The following DGLUCY variants were observed in gnomAD, a reference collection of about 807,000 sequenced individuals.
The protein encoded by DGLUCY is D-glutamate cyclase.
DGLUCY carries 58 observed loss-of-function variants against 58.5 expected under a neutral mutation model. That is an observed-to-expected ratio of 0.99 (90% CI 0.80 to 1.23). The LOEUF is 1.23. Among genes scored for constraint, DGLUCY ranks in the 50% most tolerant of loss-of-function variants. The pLI is 0.00. For missense variants in DGLUCY, 779 were observed against 784.7 expected (o/e 0.99, Z 0.09); for synonymous variants, 325 against 314.1 (o/e 1.03, Z -0.37).
At chr14:91,167,176 G>T in intron 3 of DGLUCY, 49 bp from the exon 4 acceptor site, 1 of 1,531,258 alleles carries the variant, frequency 6.5e-7, no homozygotes, top group South Asian at 1.3e-5. Context: ...GTAAGTGTCT[G>T]CCAAGAAACC....
In DGLUCY at chr14:91,181,313, T is replaced by C; in HGVS notation, c.858T>C (p.Pro286=). Residue 286 remains proline, a synonymous_variant, in exon 8 of 14, where the codon CCT becomes CCC. Transcript: ENST00000256324. ...IPEVHHISQD[P]LHYSIASVSA... is the part of the protein sequence containing the mutation. ...AGGTCCATCACATTTCCCAAGATCC[T>C]CTGCACTACAGCATCGCGTCAGTCT... 2 of 1,614,184 alleles carry C rather than the reference T, an allele frequency of 1.2e-6. No homozygotes were observed. Among genetic ancestry groups the C allele is most frequent in the South Asian group, 2.2e-5 (2 of 91,088 alleles).
chr14:91,089,356 C>T (rs903039010), intron 1 of DGLUCY, among the ~76,000 whole-genome samples: 24 of 152,292 alleles, frequency 1.6e-4, no homozygotes, highest in East Asian at 5.8e-4. Flanking sequence ...GCAGGAGAGA[C>T]GGTGAGGGAC....
chr14:91,214,371 A>G (rs1360377870), intron 12 of DGLUCY, among the ~76,000 whole-genome samples: 1 of 152,176 alleles, frequency 6.6e-6, no homozygotes, highest in Non-Finnish European at 1.5e-5. Flanking sequence ...AGCCAAGGAG[A>G]TGGTCCCAAA....
chr14:91,177,858 C>T (rs528938835), intron 7 of DGLUCY, among the ~76,000 whole-genome samples: 1 of 152,368 alleles, frequency 6.6e-6, no homozygotes, highest in East Asian at 1.9e-4. Context: ...CAGGCATGCA[C>T]CCAGGCCTCA....
intron 3 of DGLUCY, chr14:91,165,109 T>C: frequency 2.7e-6 from 1 of 364,260 alleles, no homozygotes; most frequent in Non-Finnish European, 5.5e-6. Flanking sequence ...TTTCACTCAC[T>C]GACTTTATAA....
In DGLUCY at chr14:91,143,885, G is replaced by A. The variant is rs1172877401; in HGVS notation, c.-81-13754G>A. Among the ~76,000 whole-genome samples, 11 of 152,060 alleles carry A rather than the reference G, an allele frequency of 7.2e-5. No individual in the cohort carries two copies. In the East Asian group the frequency reaches 1.5e-3, roughly 21 times the overall value. ...AAAAACGGAGACACAAATATGCAAA[G>A]TAACTTGCCCAAGATCATCCACGTA... On this transcript the variant is annotated intron_variant, in intron 1 of 13. Coordinates refer to ENST00000256324, the MANE Select transcript of DGLUCY (RefSeq NM_001102368.3).
At chr14:91,079,474 C>G (rs2044088724) in intron 1 of DGLUCY, among the ~76,000 whole-genome samples, 2 of 152,044 alleles carry the variant, frequency 1.3e-5, no homozygotes, top group African/African-American at 4.8e-5. Flanking sequence ...CTGCCTCAGC[C>G]TCCCAAGTAG....
In DGLUCY at chr14:91,188,841, A is replaced by C. The variant is rs1379932351; in HGVS notation, c.935-69A>C. On this transcript the variant is annotated intron_variant, in intron 8 of 13. Transcript: ENST00000256324. Reference sequence around the variant, plus strand: ...AAAACCCTATCATAAGTAAATAAATACATACATACATACATACAAATAATT... The same window carrying C: ...AAAACCCTATCATAAGTAAATAAATCCATACATACATACATACAAATAATT... 3.5e-6 allele frequency: 5 copies of C among 1,436,402 alleles called. No individual in the cohort carries two copies. In the Admixed American group the frequency reaches 1.2e-4, roughly 33 times the overall value. 89.0% of individuals were successfully genotyped at this position (1,436,402 alleles called of 1,614,324 possible).
intron 9 of DGLUCY, among the ~76,000 whole-genome samples, chr14:91,193,833 T>G (rs1157602079): frequency 2.7e-5 from 4 of 147,534 alleles, no homozygotes; most frequent in Admixed American, 6.7e-5. Flanking sequence ...CAGAGTGATA[T>G]TCCATCTTAG....
intron 1 of DGLUCY, among the ~76,000 whole-genome samples, chr14:91,149,942 T>C (rs1440371402): frequency 6.6e-6 from 1 of 152,114 alleles, no homozygotes; most frequent in Non-Finnish European, 1.5e-5. Context: ...ATGTTTGGGC[T>C]GGGTGCGGTG....
chr14:91,063,227 C>T (rs2043761818), intron 1 of DGLUCY, among the ~76,000 whole-genome samples: 1 of 151,318 alleles, frequency 6.6e-6, no homozygotes, highest in Admixed American at 6.6e-5. Context: ...ATCTCATTTC[C>T]TCTTCCTAGA....
chr14:91,198,165 C>T (rs964583774), intron 10 of DGLUCY, among the ~76,000 whole-genome samples: 1 of 152,078 alleles, frequency 6.6e-6, no homozygotes, highest in Non-Finnish European at 1.5e-5. Flanking sequence ...GCCTCAGCCT[C>T]CCAAGAAGCT....
At chr14:91,071,334 C>CAAAAAAAAAAAAAA (rs3086750) in intron 1 of DGLUCY, among the ~76,000 whole-genome samples, 1 of 84,218 alleles carries the variant, frequency 1.2e-5, no homozygotes, top group Non-Finnish European at 2.4e-5. Flanking sequence ...GAGATTCCAC[C>CAAAAAAAAAAAAAA]AAAAAAAAAA....
At chr14:91,067,985 A>G (rs949295350) in intron 1 of DGLUCY, among the ~76,000 whole-genome samples, 1 of 152,148 alleles carries the variant, frequency 6.6e-6, no homozygotes, top group Non-Finnish European at 1.5e-5. Flanking sequence ...CACTTACTGA[A>G]GACACCCACC....
chr14:91,079,920 A>G (rs2044095961), intron 1 of DGLUCY, among the ~76,000 whole-genome samples: 1 of 152,170 alleles, frequency 6.6e-6, no homozygotes, highest in African/African-American at 2.4e-5. Context: ...TACACCCAAA[A>G]CATTCTGTCA....
chr14:91,176,260 T>G (rs1180777991), intron 7 of DGLUCY, among the ~76,000 whole-genome samples: 2 of 152,212 alleles, frequency 1.3e-5, no homozygotes, highest in Non-Finnish European at 2.9e-5. Flanking sequence ...AGGGTCTCAC[T>G]CTGTTGCCAG....
intron 1 of DGLUCY, among the ~76,000 whole-genome samples, chr14:91,068,919 AAT>A (rs1029905976): frequency 6.6e-6 from 1 of 152,218 alleles, no homozygotes; most frequent in South Asian, 2.1e-4. Context: ...ATGAGCAGGC[AAT>A]ATGTTTCCTT....
At chr14:91,198,200 A>T (rs1421053792) in intron 10 of DGLUCY, among the ~76,000 whole-genome samples, 3 of 151,804 alleles carry the variant, frequency 2.0e-5, no homozygotes, top group Non-Finnish European at 4.4e-5. Flanking sequence ...CCGCCACCAT[A>T]CCTGGCTAAT....
At chr14:91,172,005 T>C (rs2048596899) in intron 5 of DGLUCY, among the ~76,000 whole-genome samples, 1 of 152,190 alleles carries the variant, frequency 6.6e-6, no homozygotes, top group South Asian at 2.1e-4. Context: ...CTCCATGATA[T>C]TGGATGGGAA....
Sources: gnomAD v4.1 joint callset for allele counts (sites outside exome capture counted in the v4.1 genomes callset) on GRCh38, gnomAD v4.1.1 for gene constraint, MANE v1.5 for transcripts, NCBI Gene and HGNC (gene_info 2026-07-23, HGNC 2026-07-21) for gene names.